Variants in AGBL1 observed in about 807,000 individuals in gnomAD.
AGBL1 encodes the protein cytosolic carboxypeptidase 4.
Under a neutral mutation model 118.9 loss-of-function variants are expected in AGBL1, and 130 were observed. The ratio of observed to expected loss-of-function variants is 1.09; its 90% CI spans 0.95 to 1.26. The LOEUF is 1.26. Ranked by LOEUF, AGBL1 falls within the 50% of genes most tolerant of loss-of-function variation. AGBL1 has a pLI of 0.00. For synonymous variants in AGBL1, 555 were observed against 478.9 expected (o/e 1.16, Z -2.08); for missense variants, 1,584 against 1,298.1 (o/e 1.22, Z -3.38).
At chr15:86,498,645 T>G (rs981337643) in intron 18 of AGBL1, among the ~76,000 whole-genome samples, 1 of 151,930 alleles carries the variant, frequency 6.6e-6, no homozygotes, top group African/African-American at 2.4e-5. Context: ...GATATTTCTA[T>G]ACCCATAATT....
At position 86,820,393 on chromosome 15, in the gene AGBL1, T is replaced by C. The variant is rs565567178; in HGVS notation, c.3159-86694T>C. Among the ~76,000 whole-genome samples the C allele has an allele frequency of 2.5e-3, 383 of 152,234 alleles. 1 individual carries two copies. The highest frequency in any genetic ancestry group is 9.0e-3 in the African/African-American group (374 of 41,538). On this transcript the variant is annotated intron_variant, in intron 22 of 22. Transcript: ENST00000614907. ...GGAGAAAATTTTTTCAATCTGTCCA[T>C]CTGACAAAGGGCTAATACCCAGAAT...
At chr15:86,422,655 C>T (rs1227038147) in intron 18 of AGBL1, among the ~76,000 whole-genome samples, 2 of 151,922 alleles carry the variant, frequency 1.3e-5, no homozygotes, top group Non-Finnish European at 1.5e-5. Context: ...AATCCAGGAG[C>T]TGATTTTTTT....
downstream of AGBL1, among the ~76,000 whole-genome samples, chr15:86,916,709 A>G (rs915562176): frequency 1.3e-5 from 2 of 152,146 alleles, no homozygotes; most frequent in African/African-American, 4.8e-5. Flanking sequence ...ACCACACGAA[A>G]TCTAACCTCA....
chr15:86,368,557 A>G (rs576481950), intron 17 of AGBL1, among the ~76,000 whole-genome samples: 21 of 152,332 alleles, frequency 1.4e-4, no homozygotes, highest in African/African-American at 5.0e-4. Context: ...AAAAAAGTAT[A>G]GTTTATTCAA....
At chr15:86,815,083 A>C (rs1178226810) in intron 22 of AGBL1, among the ~76,000 whole-genome samples, 4 of 152,140 alleles carry the variant, frequency 2.6e-5, no homozygotes, top group African/African-American at 4.8e-5. Context: ...ATTATGGGAA[A>C]GCATAATATA....
intron 1 of AGBL1, among the ~76,000 whole-genome samples, chr15:86,136,345 C>A (rs192799760): frequency 8.5e-5 from 13 of 152,300 alleles, no homozygotes; most frequent in Non-Finnish European, 5.9e-5. Context: ...TGTTGTTGGA[C>A]AACGAATTAG....
intron 21 of AGBL1, among the ~76,000 whole-genome samples, chr15:86,562,509 G>C (rs1341656066): frequency 1.3e-5 from 2 of 152,204 alleles, no homozygotes; most frequent in East Asian, 3.8e-4. Context: ...GATCATGGTG[G>C]ATAAGCTTTT....
chr15:86,143,153 C>T (rs72750284), intron 2 of AGBL1, among the ~76,000 whole-genome samples: 7,025 of 152,132 alleles, frequency 0.046, 233 homozygotes, highest in South Asian at 0.087. Context: ...TTCAAAATTC[C>T]CTAGATAGGA....
At chr15:86,919,212 A>G (rs2080459914), downstream of AGBL1, among the ~76,000 whole-genome samples, 2 of 152,192 alleles carry the variant, frequency 1.3e-5, no homozygotes, top group Admixed American at 1.3e-4. Context: ...AATTAATGCT[A>G]TAAGTGAGTG....
At chr15:86,477,859 C>T (rs368051630) in intron 18 of AGBL1, among the ~76,000 whole-genome samples, 1 of 152,168 alleles carries the variant, frequency 6.6e-6, no homozygotes, top group South Asian at 2.1e-4. Flanking sequence ...CCAAATCCAG[C>T]AGCACATCAA....
rs551155915 is a variant in AGBL1, at chr15:86,488,165, T to C, written c.2556-34645T>C. Reference sequence around the variant, plus strand: ...AGCTGTAGCCTGCTAGAGCAAACACTTGAGCTCCTATATGTATAAAAATGA... The same window carrying C: ...AGCTGTAGCCTGCTAGAGCAAACACCTGAGCTCCTATATGTATAAAAATGA... On this transcript the variant is annotated intron_variant, in intron 18 of 22. Coordinates refer to ENST00000614907, the MANE Select transcript of AGBL1 (RefSeq NM_001386094.1). Among the ~76,000 whole-genome samples, 254 of 152,098 alleles carry C rather than the reference T, an allele frequency of 1.7e-3. 1 individual carries two copies. Among genetic ancestry groups the C allele is most frequent in the Non-Finnish European group, 2.7e-3 (186 of 67,954 alleles).
At chr15:86,522,691 G>A (rs2142200720) in intron 18 of AGBL1, 119 bp from the exon 19 acceptor site, 1 of 1,291,046 alleles carries the variant, frequency 7.7e-7, no homozygotes, top group Non-Finnish European at 1.0e-6. Context: ...TGCCAATTGG[G>A]AAGAAATCAG....
chr15:86,104,322 C>T lies in AGBL1; in HGVS notation c.51+24299C>T, dbSNP rs564406317. ...TGGGTGAGGACAGCAGTGGCTGTGT[C>T]ATGGCCCTGCTGTTGGGTGGGTTGC... is the stretch of plus-strand genomic sequence containing the variant. On this transcript the variant is annotated intron_variant, in intron 1 of 22. Coordinates refer to ENST00000614907, the MANE Select transcript of AGBL1 (RefSeq NM_001386094.1). 1.6e-4 allele frequency among the ~76,000 whole-genome samples: 24 copies of T among 152,298 alleles called. No individual in the cohort carries two copies. The East Asian group carries it at 4.4e-3, about 28-fold the overall frequency.
intron 24 of AGBL1, among the ~76,000 whole-genome samples, chr15:87,018,436 C>A (rs949151250): frequency 6.6e-6 from 1 of 152,034 alleles, no homozygotes; most frequent in Non-Finnish European, 1.5e-5. Flanking sequence ...TCCTACAAGC[C>A]AGAAGATATT....
At chr15:86,792,941 C>T (rs764459746) in intron 22 of AGBL1, among the ~76,000 whole-genome samples, 2 of 152,000 alleles carry the variant, frequency 1.3e-5, no homozygotes, top group Non-Finnish European at 2.9e-5. Context: ...CCATTCTATA[C>T]ATATTTTAGA....
intron 18 of AGBL1, among the ~76,000 whole-genome samples, chr15:86,436,939 A>G (rs2082007243): frequency 6.6e-6 from 1 of 152,128 alleles, no homozygotes; most frequent in South Asian, 2.1e-4. Context: ...CCAAAGTAAA[A>G]CAAACTGGCC....
chr15:86,274,644 T>C (rs2079216699), intron 15 of AGBL1, among the ~76,000 whole-genome samples: 1 of 152,138 alleles, frequency 6.6e-6, no homozygotes, highest in South Asian at 2.1e-4. Context: ...AACTAACATA[T>C]AAAAACCGTA....
At chr15:87,002,550 T>G (rs2081451394) in intron 24 of AGBL1, among the ~76,000 whole-genome samples, 1 of 152,114 alleles carries the variant, frequency 6.6e-6, no homozygotes. Flanking sequence ...TGGCACTGAA[T>G]CTATAAATTA....
chr15:86,279,500 C>T (rs889401701), intron 15 of AGBL1, 139 bp from the exon 16 acceptor site: 2 of 798,844 alleles, frequency 2.5e-6, no homozygotes, highest in Admixed American at 2.7e-5. Context: ...GTTTCACCCA[C>T]AGAAATGTTT....
Sources: gnomAD v4.1 joint callset for allele counts (sites outside exome capture counted in the v4.1 genomes callset) on GRCh38, gnomAD v4.1.1 for gene constraint, MANE v1.5 for transcripts, NCBI Gene and HGNC (gene_info 2026-07-23, HGNC 2026-07-21) for gene names.